Variants in CLRN2 observed in about 807,000 individuals in gnomAD.
The protein encoded by CLRN2 is clarin 2, also known as clarin-2.
CLRN2 carries 17 observed loss-of-function variants against 20.1 expected under a neutral mutation model. That is an observed-to-expected ratio of 0.85 (90% confidence interval 0.58 to 1.27). The LOEUF (loss-of-function observed/expected upper bound fraction) is 1.27, where lower values mean the gene tolerates loss of function less well. CLRN2 is among the 50% of genes most tolerant of loss of function. The pLI, the probability that CLRN2 is intolerant of heterozygous loss-of-function variation, is 0.00. For synonymous variants in CLRN2, 140 were observed against 126.9 expected, an observed-to-expected ratio of 1.10 and a Z score of -0.70; for missense variants, 288 against 299.5, an observed-to-expected ratio of 0.96 and a Z score of 0.28.
chr4:17,516,601 C>G (rs1301890532), intron 1 of CLRN2, among the ~76,000 whole-genome samples: 4 of 152,124 alleles, frequency 2.6e-5, no homozygotes, highest in Non-Finnish European at 1.5e-5. Context: ...CAAAAATTTA[C>G]ATTTGTTATG....
chr4:17,524,663 C>T (rs1295006337), intron 2 of CLRN2, among the ~76,000 whole-genome samples: 1 of 151,988 alleles, frequency 6.6e-6, no homozygotes, highest in Non-Finnish European at 1.5e-5. Context: ...TCTGTCCATT[C>T]CTTTCCTTAG....
intron 1 of CLRN2, 98 bp downstream of exon 1, chr4:17,515,617 A>C (rs1407425157): frequency 3.6e-6 from 5 of 1,377,374 alleles, no homozygotes; most frequent in Non-Finnish European, 2.0e-6. Context: ...CTGCTGCCTC[A>C]ACGTCAGGCA....
chr4:17,519,025 G>A (rs969613882), intron 1 of CLRN2, among the ~76,000 whole-genome samples: 8 of 152,172 alleles, frequency 5.3e-5, no homozygotes, highest in African/African-American at 1.9e-4. Flanking sequence ...TTAGTTCTCT[G>A]GTTCCTCTCT....
chr4:17,520,738 A>C (rs1711818977), intron 1 of CLRN2, among the ~76,000 whole-genome samples: 1 of 152,246 alleles, frequency 6.6e-6, no homozygotes, highest in African/African-American at 2.4e-5. Context: ...CAATTTAAAA[A>C]TCAGGCACAA....
intron 2 of CLRN2, 79 bp from the exon 3 acceptor site, chr4:17,526,738 C>A: frequency 1.3e-6 from 2 of 1,550,506 alleles, no homozygotes; most frequent in South Asian, 1.2e-5. Context: ...GCAAGTTTGT[C>A]ACACGTGGCA....
In CLRN2 at chr4:17,523,018, C is replaced by T. The variant is rs781468468; in HGVS notation, c.408C>T (p.Gly136=). ...ACCGGGCAGTCAGCGGTCCTGGGGG[C>T]ATCTGCCTATGGAATGTCCTGGCAG... is the stretch of plus-strand genomic sequence containing the variant. ...VPYRAVSGPG[G]ICLWNVLAGG... is the part of the protein sequence containing the mutation. The change falls in exon 2 of 3, where the codon GGC becomes GGT. Residue 136 remains glycine (G), a synonymous_variant. Coordinates refer to ENST00000511148, the MANE Select transcript of CLRN2 (RefSeq NM_001079827.2). 6.2e-7 allele frequency: 1 copy of T among 1,613,014 alleles called. No homozygotes were observed. The highest frequency in any genetic ancestry group is 1.7e-5 in the Admixed American group (1 of 60,000).
rs192009202 is a variant in CLRN2, at chr4:17,518,590, G to A, written c.253+3071G>A. On this transcript the variant is annotated intron_variant, in intron 1 of 2. Coordinates refer to ENST00000511148, the MANE Select transcript of CLRN2 (RefSeq NM_001079827.2). The stretch of plus-strand genomic sequence containing the variant: ...AGCCTGGCCAACATGGTGAAACCAC[G>A]TCTCTACTAAAAATACAAAAATTAG... Among the ~76,000 whole-genome samples the A allele has an allele frequency of 2.7e-3, 418 of 152,162 alleles. 2 individuals carry two copies. The highest frequency in any genetic ancestry group is 5.1e-3 in the Non-Finnish European group (347 of 67,984).
chr4:17,525,025 A>G (rs1307247921), intron 2 of CLRN2, among the ~76,000 whole-genome samples: 1 of 152,224 alleles, frequency 6.6e-6, no homozygotes, highest in Non-Finnish European at 1.5e-5. Flanking sequence ...TAAAAAAACA[A>G]CAACACTGTA....
rs755801148 is a variant in CLRN2, at chr4:17,527,086, C to T, written c.*4C>T. ...AGCTGAGGATATCTTGTATTAATAG[C>T]CTTCCCCTGTTCACAACCTGTCCTA... On this transcript the variant is annotated 3_prime_UTR_variant, in exon 3 of 3. Transcript: ENST00000511148. The T allele has an allele frequency of 6.2e-7, 1 of 1,613,260 alleles. No homozygotes were observed.
intron 2 of CLRN2, 119 bp from the exon 3 acceptor site, chr4:17,526,698 A>T: frequency 8.6e-7 from 1 of 1,160,294 alleles, no homozygotes; most frequent in Non-Finnish European, 1.2e-6. Context: ...ATTAAAACTT[A>T]TGTCTTCCTC....
At position 17,516,519 on chromosome 4, in the gene CLRN2, G is replaced by A. The variant is rs190499183; in HGVS notation, c.253+1000G>A. ...TAGAAATCTGGCCAAGGTAAATGTC[G>A]TATTAAATTTATAAGGACAAAAAGC... On this transcript the variant is annotated intron_variant, in intron 1 of 2. Coordinates refer to ENST00000511148, the MANE Select transcript of CLRN2 (RefSeq NM_001079827.2). Among the ~76,000 whole-genome samples the A allele has an allele frequency of 1.2e-3, 190 of 152,150 alleles. 3 individuals are homozygous for A. The highest frequency in any genetic ancestry group is 4.3e-3 in the African/African-American group (177 of 41,508).
In CLRN2 at chr4:17,526,699, T is replaced by C. The variant is rs1476924100; in HGVS notation, c.434-118T>C. On this transcript the variant is annotated intron_variant, in intron 2 of 2. Coordinates refer to ENST00000511148, the MANE Select transcript of CLRN2 (RefSeq NM_001079827.2). Reference sequence around the variant, plus strand: ...ACTTTTAAAAGCAAATTAAAACTTATGTCTTCCTCATAATTTTGTTAACCC... The same window carrying C: ...ACTTTTAAAAGCAAATTAAAACTTACGTCTTCCTCATAATTTTGTTAACCC... The C allele has an allele frequency of 2.6e-5, 31 of 1,170,002 alleles. No homozygotes were observed. In the Admixed American group the frequency reaches 6.4e-4, roughly 24 times the overall value. The allele number at this position is 1,170,002 out of a possible 1,614,324, so 72.5% of individuals were successfully genotyped here.
In CLRN2 at chr4:17,526,952, G is replaced by A. The variant is rs1330217704; in HGVS notation, c.569G>A (p.Trp190Ter). Reference protein sequence around the residue: ...VVEEQYEESFWICVASASAHA... With the variant: ...VVEEQYEESF ...GAAGAACAGTATGAAGAGTCGTTTT[G>A]GATCTGCGTGGCCAGCGCTTCGGCC... Residue 190 changes from tryptophan (W) to a stop codon, truncating the protein, a stop_gained, in exon 3 of 3, where the codon TGG (tryptophan) becomes TAG (stop). Transcript: ENST00000511148. LOFTEE classifies it high-confidence loss of function. 6 of 1,608,772 alleles carry A rather than the reference G, an allele frequency of 3.7e-6. No individual in the cohort carries two copies. The highest frequency in any genetic ancestry group is 8.5e-7 in the Non-Finnish European group (1 of 1,175,852).
intron 1 of CLRN2, among the ~76,000 whole-genome samples, chr4:17,520,281 C>T (rs1711808373): frequency 6.6e-6 from 1 of 152,270 alleles, no homozygotes; most frequent in East Asian, 1.9e-4. Flanking sequence ...AAAATCAAAT[C>T]TGGATATGGT....
At chr4:17,518,081 C>A (rs577970629) in intron 1 of CLRN2, among the ~76,000 whole-genome samples, 1 of 152,032 alleles carries the variant, frequency 6.6e-6, no homozygotes, top group South Asian at 2.1e-4. Flanking sequence ...AAAATAATCC[C>A]CACAGTCGCA....
chr4:17,515,655 G>T, intron 1 of CLRN2, 136 bp downstream of exon 1: 1 of 938,154 alleles, frequency 1.1e-6, no homozygotes, highest in South Asian at 1.8e-5. Context: ...GTGAGCCAAG[G>T]GTTCTGGATC....
At chr4:17,525,758 G>A (rs1309464514) in intron 2 of CLRN2, among the ~76,000 whole-genome samples, 1 of 151,986 alleles carries the variant, frequency 6.6e-6, no homozygotes, top group Non-Finnish European at 1.5e-5. Context: ...ATCAAAGTAA[G>A]AACACCATAA....
intron 1 of CLRN2, among the ~76,000 whole-genome samples, chr4:17,516,740 T>TA (rs993588960): frequency 9.9e-5 from 15 of 151,286 alleles, no homozygotes; most frequent in Non-Finnish European, 1.8e-4. Context: ...CATAAACAAA[T>TA]AAAAAAAAGA....
chr4:17,524,382 A>G (rs939271564), intron 2 of CLRN2, among the ~76,000 whole-genome samples: 1 of 152,228 alleles, frequency 6.6e-6, no homozygotes, highest in Admixed American at 6.5e-5. Flanking sequence ...TATTCAAGGT[A>G]CCATTAGAAC....
Sources: gnomAD v4.1 joint callset for allele counts (sites outside exome capture counted in the v4.1 genomes callset) on GRCh38, gnomAD v4.1.1 for gene constraint, MANE v1.5 for transcripts, NCBI Gene and HGNC (gene_info 2026-07-23, HGNC 2026-07-21) for gene names.